NREP: variants seen among roughly 807,000 people sequenced by gnomAD.
NREP encodes the protein neuronal regeneration related protein.
Under a neutral mutation model 8.6 loss-of-function variants are expected in NREP, and 5 were observed. The ratio of observed to expected loss-of-function variants is 0.58; its 90% CI spans 0.30 to 1.22. The LOEUF (loss-of-function observed/expected upper bound fraction) is 1.22. Ranked by LOEUF, NREP falls within the 50% of genes most tolerant of loss-of-function variation. NREP has a pLI of 0.07. For missense variants in NREP, 86 were observed against 82.5 expected (o/e 1.04, Z -0.17); for synonymous variants, 27 against 28.0 (o/e 0.96, Z 0.11).
chr5:111,966,343 C>G (rs1433785855), intron 2 of NREP, among the ~76,000 whole-genome samples: 3 of 152,120 alleles, frequency 2.0e-5, no homozygotes, highest in African/African-American at 4.8e-5. Context: ...GATACTGGCT[C>G]CAACTCAACA....
At position 111,898,156 on chromosome 5, in the gene NREP, G is replaced by A. The variant is rs28386184; in HGVS notation, c.135+77118C>T. Among the ~76,000 whole-genome samples, 576 of 152,230 alleles carry A rather than the reference G, an allele frequency of 3.8e-3. 5 individuals are homozygous for A. The highest frequency in any genetic ancestry group is 0.013 in the African/African-American group (537 of 41,546). ...GGAGAGTTTTGAGCAGAGCAGTGGC[G>A]TAATCTAATTTAAAGGCTCAATCTG... On this transcript the variant is annotated intron_variant, in intron 2 of 3. Coordinates refer to the NREP transcript ENST00000395634.
At chr5:111,921,585 A>C (rs910599820) in intron 2 of NREP, among the ~76,000 whole-genome samples, 1 of 152,172 alleles carries the variant, frequency 6.6e-6, no homozygotes, top group African/African-American at 2.4e-5. Context: ...GATTTTGTAT[A>C]GTATCAATGG....
chr5:111,834,630 A>C lies in NREP; in HGVS notation c.136-99123T>G, dbSNP rs116036567. ...GCAGATAATTAGCAGAATGTAATTG[A>C]AAAAATGTAGGGTGAAATATTATGA... is the stretch of plus-strand genomic sequence containing the variant. On this transcript the variant is annotated intron_variant, in intron 2 of 3. Transcript: ENST00000395634. Among the ~76,000 whole-genome samples, 680 of 152,300 alleles carry C rather than the reference A, an allele frequency of 4.5e-3. 4 individuals are homozygous for C. The highest frequency in any genetic ancestry group is 0.012 in the African/African-American group (480 of 41,568).
intron 2 of NREP, among the ~76,000 whole-genome samples, chr5:111,921,061 T>C (rs1561347132): frequency 6.6e-6 from 1 of 152,172 alleles, no homozygotes. Context: ...GGCTGCTTTT[T>C]GTCAGAAGAC....
At chr5:111,869,039 G>A (rs1412432803) in intron 2 of NREP, among the ~76,000 whole-genome samples, 1 of 152,182 alleles carries the variant, frequency 6.6e-6, no homozygotes, top group East Asian at 1.9e-4. Context: ...CATAGAACAC[G>A]CATGCTCACT....
chr5:111,785,712 A>G (rs1948671), intron 2 of NREP, among the ~76,000 whole-genome samples: 62,286 of 152,054 alleles, frequency 0.41, 13,358 homozygotes, highest in East Asian at 0.48. Context: ...GAAAGGGGAC[A>G]TGAAGCTGTA....
chr5:111,945,672 A>G (rs1755957991), intron 2 of NREP, among the ~76,000 whole-genome samples: 1 of 151,960 alleles, frequency 6.6e-6, no homozygotes, highest in African/African-American at 2.4e-5. Flanking sequence ...ACAGAGAACT[A>G]GGAATGTAAG....
intron 2 of NREP, among the ~76,000 whole-genome samples, chr5:111,973,592 GT>G (rs1456734569): frequency 2.0e-5 from 3 of 152,140 alleles, no homozygotes; most frequent in Non-Finnish European, 2.9e-5. Flanking sequence ...TGAAATTTCT[GT>G]GTTCCTATAT....
intron 2 of NREP, among the ~76,000 whole-genome samples, chr5:111,909,642 T>C (rs1754861811): frequency 6.6e-6 from 1 of 152,078 alleles, no homozygotes; most frequent in South Asian, 2.1e-4. Context: ...ATACTTGAAC[T>C]TGGGTTGCAG....
intron 2 of NREP, among the ~76,000 whole-genome samples, chr5:111,877,841 T>G (rs563075001): frequency 2.0e-5 from 3 of 152,306 alleles, no homozygotes; most frequent in South Asian, 2.1e-4. Flanking sequence ...CAAGTTGAGT[T>G]GGGTGTTCCC....
intron 2 of NREP, among the ~76,000 whole-genome samples, chr5:111,772,049 A>G (rs1346004026): frequency 6.6e-6 from 1 of 152,214 alleles, no homozygotes; most frequent in African/African-American, 2.4e-5. Flanking sequence ...GTTATTAGGA[A>G]TTCCACGATC....
chr5:111,804,608 T>C (rs4256388), intron 2 of NREP, among the ~76,000 whole-genome samples: 54,619 of 151,710 alleles, frequency 0.36, 10,245 homozygotes, highest in East Asian at 0.62. Context: ...ACAGGTAAAT[T>C]GGGAGACATA....
chr5:111,749,616 G>A (rs900187923), intron 2 of NREP, among the ~76,000 whole-genome samples: 3 of 152,120 alleles, frequency 2.0e-5, no homozygotes, highest in African/African-American at 7.2e-5. Flanking sequence ...GGTTAATCGG[G>A]AAGAAATGGA....
At chr5:111,804,963 T>A (rs1264477087) in intron 2 of NREP, among the ~76,000 whole-genome samples, 3 of 152,170 alleles carry the variant, frequency 2.0e-5, no homozygotes, top group African/African-American at 4.8e-5. Context: ...ATGGCGCCAC[T>A]GCACTCTAGC....
chr5:111,919,173 G>A (rs547135777), intron 2 of NREP, among the ~76,000 whole-genome samples: 116 of 152,242 alleles, frequency 7.6e-4, no homozygotes, highest in Middle Eastern at 3.4e-3. Flanking sequence ...AAACCACAGT[G>A]AGATACCATC....
intron 2 of NREP, among the ~76,000 whole-genome samples, chr5:111,913,633 C>T (rs1173304081): frequency 6.6e-6 from 1 of 152,000 alleles, no homozygotes; most frequent in Non-Finnish European, 1.5e-5. Flanking sequence ...ACTAATCAGA[C>T]AATTGGGTAA....
chr5:111,965,458 G>A (rs1009746601), intron 2 of NREP, among the ~76,000 whole-genome samples: 1 of 151,936 alleles, frequency 6.6e-6, no homozygotes, highest in African/African-American at 2.4e-5. Context: ...TTTTTATTAT[G>A]AAAAATGAAA....
chr5:111,810,792 G>C (rs1036417071), intron 2 of NREP, among the ~76,000 whole-genome samples: 1 of 152,142 alleles, frequency 6.6e-6, no homozygotes, highest in African/African-American at 2.4e-5. Flanking sequence ...CTGAGTCTTT[G>C]TTTTGGGGGG....
chr5:111,924,795 A>G (rs497739), intron 2 of NREP, among the ~76,000 whole-genome samples: 111,643 of 152,034 alleles, frequency 0.73, 42,412 homozygotes, highest in African/African-American at 0.93. Context: ...CCAGTATAGC[A>G]GTTATAGCCT....
Sources: gnomAD v4.1 joint callset for allele counts (sites outside exome capture counted in the v4.1 genomes callset) on GRCh38, gnomAD v4.1.1 for gene constraint, MANE v1.5 for transcripts, NCBI Gene and HGNC (gene_info 2026-07-23, HGNC 2026-07-21) for gene names.